BSN: variants seen among roughly 807,000 people sequenced by gnomAD.
The protein encoded by BSN is bassoon presynaptic cytomatrix protein, also known as protein bassoon.
In BSN, 57 loss-of-function variants were observed where a neutral mutation model predicts 264.8. The ratio of observed to expected loss-of-function variants is 0.22; its 90% CI spans 0.17 to 0.27. The LOEUF (loss-of-function observed/expected upper bound fraction) is 0.27, where lower values mean the gene tolerates loss of function less well. Ranked by LOEUF, BSN falls within the 10% of genes least tolerant of loss-of-function variation. The pLI, the probability that BSN is intolerant of heterozygous loss-of-function variation, is 1.00. For synonymous variants in BSN, 2,059 were observed against 2,137.3 expected, an observed-to-expected ratio of 0.96 and a Z score of 1.01; for missense variants, 4,615 against 5,232.5, an observed-to-expected ratio of 0.88 and a Z score of 3.64.
At chr3:49,575,069 G>A (rs375536268) in intron 1 of BSN, among the ~76,000 whole-genome samples, 9 of 152,198 alleles carry the variant, frequency 5.9e-5, no homozygotes, top group South Asian at 4.2e-4. Flanking sequence ...AAGTAAGGCC[G>A]GGCGTGATGG....
Position 49,652,694 on chromosome 3 carries a change from G to T in BSN, c.3138G>T (p.Leu1046=). 6.3e-7 allele frequency: 1 copy of T among 1,576,896 alleles called. No homozygotes were observed. Among genetic ancestry groups the T allele is most frequent in the Non-Finnish European group, 8.6e-7 (1 of 1,161,626 alleles). The change falls in exon 5 of 12, where the codon CTG becomes CTT. Residue 1046 remains leucine, a synonymous_variant. Transcript: ENST00000296452. Reference sequence around the variant, plus strand: ...AGGACTCCTCAGAGGAGGAGGAGCTGCGGGAGGAAGAGGAGCTGCTTCGTG... The same window carrying T: ...AGGACTCCTCAGAGGAGGAGGAGCTTCGGGAGGAAGAGGAGCTGCTTCGTG... ...TIEDSSEEEE[L]REEEELLREQ... is the part of the protein sequence containing the mutation.
intron 1 of BSN, among the ~76,000 whole-genome samples, chr3:49,584,412 T>C (rs554927363): frequency 6.6e-6 from 1 of 152,114 alleles, no homozygotes; most frequent in Non-Finnish European, 1.5e-5. Context: ...AGTTTGCTCT[T>C]CTTTTTCTAA....
intron 1 of BSN, among the ~76,000 whole-genome samples, chr3:49,596,540 A>C (rs1214133727): frequency 6.6e-6 from 1 of 152,170 alleles, no homozygotes; most frequent in Non-Finnish European, 1.5e-5. Context: ...TTTTTTGTAG[A>C]GATGAAGTCT....
rs139475033 is a variant in BSN, at chr3:49,650,975, C to T, written c.1882C>T (p.Pro628Ser). The T allele has an allele frequency of 5.0e-6, 8 of 1,614,198 alleles. No homozygotes were observed. The highest frequency in any genetic ancestry group is 6.8e-6 in the Non-Finnish European group (8 of 1,180,038). ...PMPKPPPETT[P>S]TPATPKVKSG... is the part of the protein sequence containing the mutation. ...GCCGAAGCCACCTCCAGAGACTACC[C>T]CAACCCCTGCGACTCCTAAAGTAAA... The change falls in exon 4 of 12, where the codon CCA becomes TCA. Residue 628 changes from proline to serine, a missense_variant. Physicochemically the swap from Pro to Ser is moderately conservative, Grantham distance 74 (BLOSUM62 -1). This residue lies in a region of BSN where 1,197 missense variants were observed against 1,348.0 expected (regional missense o/e 0.89). Transcript: ENST00000296452.
chr3:49,575,695 A>G (rs1473218349), intron 1 of BSN, among the ~76,000 whole-genome samples: 1 of 149,448 alleles, frequency 6.7e-6, no homozygotes, highest in African/African-American at 2.4e-5. Context: ...AGACACAGAC[A>G]CATTCTTGGA....
In BSN at chr3:49,662,149, G is replaced by T. The variant is rs559401458; in HGVS notation, c.10304G>T (p.Arg3435Leu). ...AGCCGGGACGCAGTGGAGGACGACC[G>T]CATTTATGGCGGGAGCAGCCGGTCC... The part of the protein sequence containing the change: ...MSSRDAVEDD[R>L]IYGGSSRSRA... Residue 3435 changes from arginine to leucine, a missense_variant, in exon 6 of 12, where the codon CGC (arginine) becomes CTC (leucine). Physicochemically the swap from Arg to Leu is moderately radical, Grantham distance 102. Coordinates refer to ENST00000296452, the MANE Select transcript of BSN (RefSeq NM_003458.4). 6.2e-7 allele frequency: 1 copy of T among 1,613,316 alleles called. No individual in the cohort carries two copies. The highest frequency in any genetic ancestry group is 1.3e-5 in the African/African-American group (1 of 74,938).
intron 1 of BSN, among the ~76,000 whole-genome samples, chr3:49,602,965 C>T (rs2052083861): frequency 6.6e-6 from 1 of 152,238 alleles, no homozygotes. Context: ...CAGGGCATGG[C>T]ACGGAAGATG....
downstream of BSN, among the ~76,000 whole-genome samples, chr3:49,672,220 A>G (rs2108108759): frequency 6.6e-6 from 1 of 152,090 alleles, no homozygotes. Context: ...CGTTTATTTC[A>G]GGTACTTAAA....
intron 1 of BSN, among the ~76,000 whole-genome samples, chr3:49,577,277 A>G (rs766495382): frequency 6.6e-6 from 1 of 152,224 alleles, no homozygotes; most frequent in East Asian, 1.9e-4. Context: ...CAATCAAATT[A>G]CAAGAGTTTG....
intron 1 of BSN, among the ~76,000 whole-genome samples, chr3:49,587,169 AT>A (rs984734913): frequency 2.0e-5 from 3 of 152,088 alleles, no homozygotes; most frequent in African/African-American, 7.2e-5. Flanking sequence ...ATGTGTGGTT[AT>A]TGTAAATGTG....
chr3:49,659,810 G>A lies in BSN; in HGVS notation c.8641-676G>A, dbSNP rs77271516. ...GGCTCCAGAGAACAGCAGGTTGACC[G>A]AGGGACATGGAGGGAGCTGGGGACC... On this transcript the variant is annotated intron_variant, in intron 5 of 11. Coordinates refer to ENST00000296452, the MANE Select transcript of BSN (RefSeq NM_003458.4). 9.9e-3 allele frequency among the ~76,000 whole-genome samples: 1,502 copies of A among 152,272 alleles called. 27 individuals carry two copies. Among genetic ancestry groups the A allele is most frequent in the African/African-American group, 0.035 (1,445 of 41,550 alleles).
intron 1 of BSN, among the ~76,000 whole-genome samples, chr3:49,617,506 G>C (rs945287601): frequency 6.6e-6 from 1 of 151,834 alleles, no homozygotes; most frequent in African/African-American, 2.4e-5. Flanking sequence ...GCTGGGAGGA[G>C]CAGTGGCCTC....
rs1269482443 is a variant in BSN, at chr3:49,654,603, G to A, written c.5047G>A (p.Gly1683Ser). ...CACTCCCATCATCCTCACTGACCAG[G>A]GCATGGACCTCACCTCTCTTGCTGT... ...KPTPIILTDQ[G>S]MDLTSLAVEA... The change falls in exon 5 of 12, where the codon GGC becomes AGC. Residue 1683 changes from glycine (G) to serine (S), a missense_variant. By Grantham distance (56) the Gly-to-Ser change is moderately conservative. Around this residue, in one of 3 missense-constraint regions of BSN, gnomAD observed 3,415 missense variants for 3,866.4 expected, o/e 0.88. Transcript: ENST00000296452. This position sits in a 1 kb window ranked among gnomAD's most constrained non-coding sequence, Gnocchi z 4.1. The A allele has an allele frequency of 1.9e-6, 3 of 1,613,696 alleles. No individual in the cohort carries two copies. The highest frequency in any genetic ancestry group is 1.3e-5 in the African/African-American group (1 of 75,030).
intron 3 of BSN, among the ~76,000 whole-genome samples, chr3:49,646,591 G>A (rs1483216740): frequency 6.6e-6 from 1 of 152,224 alleles, no homozygotes; most frequent in East Asian, 1.9e-4. Context: ...CAGGTGAGAT[G>A]CTGTACCTCA....
chr3:49,602,988 G>C (rs1002692071), intron 1 of BSN, among the ~76,000 whole-genome samples: 1 of 152,220 alleles, frequency 6.6e-6, no homozygotes, highest in Non-Finnish European at 1.5e-5. Context: ...GACATCCCAC[G>C]CAGCTCCCTG....
chr3:49,658,941 C>G (rs542260662), intron 5 of BSN, among the ~76,000 whole-genome samples: 7 of 152,120 alleles, frequency 4.6e-5, no homozygotes, highest in Non-Finnish European at 1.0e-4. Context: ...GAGTGCCAGG[C>G]TGAGGAGGAT....
chr3:49,651,810 G>A lies in BSN; in HGVS notation c.2254G>A (p.Gly752Ser), dbSNP rs774091707. 22 of 1,613,688 alleles carry A rather than the reference G, an allele frequency of 1.4e-5. No homozygotes were observed. The highest frequency in any genetic ancestry group is 1.3e-4 in the African/African-American group (10 of 74,934). ...TGAGCGGAGCAAGCCACTCTCCAGC[G>A]GTACTGGCGAGGAGCAGAAGCAGCG... ...PSERSKPLSSGTGEEQKQRPH... is the reference protein window; with the variant it reads ...PSERSKPLSSSTGEEQKQRPH... The change falls in exon 5 of 12, where the codon GGT becomes AGT. Residue 752 changes from glycine (G) to serine (S), a missense_variant. Around this residue, in one of 3 missense-constraint regions of BSN, gnomAD observed 1,197 missense variants for 1,348.0 expected, o/e 0.89. Transcript: ENST00000296452. The surrounding 1 kb of genome is among the most constrained non-coding windows in gnomAD (Gnocchi z 5.4).
At chr3:49,649,902 T>A (rs763225435) in intron 3 of BSN, among the ~76,000 whole-genome samples, 8 of 152,120 alleles carry the variant, frequency 5.3e-5, no homozygotes, top group Non-Finnish European at 1.2e-4. Flanking sequence ...CCACACATAG[T>A]CCCCATCAGA....
At chr3:49,633,664 T>C (rs2052398828) in intron 2 of BSN, among the ~76,000 whole-genome samples, 1 of 152,152 alleles carries the variant, frequency 6.6e-6, no homozygotes. Flanking sequence ...ATAGCTAAAA[T>C]GTGAAAACAA....
Sources: allele counts gnomAD v4.1 joint callset (sites outside exome capture counted in the v4.1 genomes callset), GRCh38; gene constraint gnomAD v4.1.1; regional missense constraint gnomAD v4.1.1; non-coding constraint Gnocchi (gnomAD v3.1); transcripts MANE v1.5; gene names NCBI Gene and HGNC (gene_info 2026-07-23, HGNC 2026-07-21).